Variants in SNED1 observed in about 807,000 individuals in gnomAD.
The protein encoded by SNED1 is sushi, nidogen and EGF like domains 1, also known as sushi, nidogen and EGF-like domain-containing protein 1.
In SNED1, 81 loss-of-function variants were observed where a neutral mutation model predicts 166.7. The observed-to-expected ratio is 0.49, with a 90% CI of 0.41 to 0.58. SNED1 has a LOEUF of 0.58. Among genes scored for constraint, SNED1 ranks in the 20% least tolerant of loss-of-function variants. SNED1 has a pLI of 0.00. For missense variants in SNED1, 1,604 were observed against 2,000.2 expected, an observed-to-expected ratio of 0.80 and a Z score of 3.78; for synonymous variants, 762 against 822.0, an observed-to-expected ratio of 0.93 and a Z score of 1.25.
In SNED1 at chr2:241,013,555, G is replaced by C. The variant is rs1258593603; in HGVS notation, c.213+14505G>C. Among the ~76,000 whole-genome samples, 2 of 151,710 alleles carry C rather than the reference G, an allele frequency of 1.3e-5. No individual in the cohort carries two copies. The highest frequency in any genetic ancestry group is 2.9e-5 in the Non-Finnish European group (2 of 67,946). The stretch of plus-strand genomic sequence containing the variant: ...GGGTCTTGCTATGTTGTCCAGGCTG[G>C]TCTTGAACTCCTGGCCTCAAGAGAT... On this transcript the variant is annotated intron_variant, in intron 1 of 31. Coordinates refer to ENST00000310397, the MANE Select transcript of SNED1 (RefSeq NM_001080437.3). This position sits in a 1 kb window ranked among gnomAD's most constrained non-coding sequence, Gnocchi z 4.6.
At chr2:241,003,005 C>A (rs2060120482) in intron 1 of SNED1, among the ~76,000 whole-genome samples, 1 of 152,012 alleles carries the variant, frequency 6.6e-6, no homozygotes, top group Admixed American at 6.6e-5. Flanking sequence ...CTTGGCCTTT[C>A]CCTCCAGCCT....
chr2:241,078,180 C>G (rs1489554686), intron 27 of SNED1, among the ~76,000 whole-genome samples: 1 of 149,692 alleles, frequency 6.7e-6, no homozygotes, highest in South Asian at 2.1e-4. Context: ...GTCAGGCGTT[C>G]GAGACAAGTC....
At chr2:241,057,776 T>C in intron 16 of SNED1, among the ~76,000 whole-genome samples, 1 of 152,222 alleles carries the variant, frequency 6.6e-6, no homozygotes, top group East Asian at 1.9e-4. Context: ...AAATATATTC[T>C]CATACAAACA....
At position 241,056,580 on chromosome 2, in the gene SNED1, A is replaced by ATT. The variant is rs1172411061; in HGVS notation, c.2257+3271_2257+3272dup. Among the ~76,000 whole-genome samples the ATT allele has an allele frequency of 1.3e-4, 14 of 111,218 alleles. 1 individual carries two copies. Among genetic ancestry groups the ATT allele is most frequent in the Non-Finnish European group, 1.5e-4 (9 of 59,560 alleles). 73.0% of individuals were successfully genotyped at this position (111,218 alleles called of 152,430 possible). ...GAATTAGGAATTCTGAATAAGTGAA[A>ATT]TTTTTTTTTTTTTTTTTTGAGACGG... On this transcript the variant is annotated intron_variant, in intron 16 of 31. Transcript: ENST00000310397.
At chr2:241,059,607 C>G (rs967626841) in intron 16 of SNED1, among the ~76,000 whole-genome samples, 8 of 151,970 alleles carry the variant, frequency 5.3e-5, no homozygotes, top group African/African-American at 1.4e-4. Flanking sequence ...GGATTTTTCT[C>G]AAGGACACAG....
intron 21 of SNED1, among the ~76,000 whole-genome samples, chr2:241,065,981 T>TG (rs1575037403): frequency 6.6e-6 from 1 of 152,018 alleles, no homozygotes; most frequent in East Asian, 1.9e-4. Context: ...TGGGGTGCTC[T>TG]GAAGGCCTGG....
At chr2:241,076,637 G>C (rs569194038) in intron 27 of SNED1, among the ~76,000 whole-genome samples, 28 of 152,306 alleles carry the variant, frequency 1.8e-4, no homozygotes, top group Admixed American at 3.3e-4. Flanking sequence ...CTAGGCAGGT[G>C]AATCACTTGA....
In SNED1 at chr2:241,071,571, T is replaced by A; in HGVS notation, c.3590-5T>A. On this transcript the variant is annotated splice_polypyrimidine_tract_variant and splice_region_variant and intron_variant, in intron 24 of 31. Transcript: ENST00000310397. ...ACCAGCCCCTTCCTCCTGCCTGCTC[T>A]GCAGCCCCCAGGGATGGCGCTGACA... The A allele has an allele frequency of 6.3e-7, 1 of 1,580,358 alleles. No individual in the cohort carries two copies. Among genetic ancestry groups the A allele is most frequent in the Non-Finnish European group, 8.5e-7 (1 of 1,170,834 alleles).
intron 1 of SNED1, among the ~76,000 whole-genome samples, chr2:241,027,237 T>G (rs2124957837): frequency 6.6e-6 from 1 of 152,270 alleles, no homozygotes; most frequent in Non-Finnish European, 1.5e-5. Flanking sequence ...TGTGCCACCA[T>G]GCCCAGCTAA....
chr2:241,082,509 T>TC, intron 29 of SNED1, 145 bp downstream of exon 29: 1 of 624,550 alleles, frequency 1.6e-6, no homozygotes, highest in Non-Finnish European at 2.9e-6. Context: ...ATCGATTCCC[T>TC]CCATGTCACA....
chr2:241,004,380 T>C (rs2060160769), intron 1 of SNED1, among the ~76,000 whole-genome samples: 1 of 152,240 alleles, frequency 6.6e-6, no homozygotes, highest in African/African-American at 2.4e-5. Context: ...TTTTAGACCA[T>C]TTACATTTAA....
intron 21 of SNED1, among the ~76,000 whole-genome samples, chr2:241,065,808 T>C (rs1029137433): frequency 3.3e-5 from 5 of 151,950 alleles, no homozygotes; most frequent in Non-Finnish European, 7.4e-5. Context: ...AGGCATGGGA[T>C]TGGGGCGCAT....
Position 241,051,875 on chromosome 2 carries a change from G to A in SNED1, c.1852+15G>A, listed in dbSNP as rs147364964. On this transcript the variant is annotated intron_variant, in intron 13 of 31. Transcript: ENST00000310397. This position sits in a 1 kb window ranked among gnomAD's most constrained non-coding sequence, Gnocchi z 4.7. ...CTGTGAGATCGGTGCGGCCCCCAGG[G>A]GCAGGGGGGAGGGCAGGAACGACGG... 2.2e-4 allele frequency: 343 copies of A among 1,527,246 alleles called. 1 individual carries two copies. In the African/African-American group the frequency reaches 4.2e-3, roughly 19 times the overall value. 94.6% of individuals were successfully genotyped at this position (1,527,246 alleles called of 1,614,324 possible). A position where few individuals can be genotyped will look rare whatever the true frequency, so the allele number is the denominator to read the frequency against.
chr2:241,041,074 T>TA (rs2061509692), intron 8 of SNED1: 1 of 340,812 alleles, frequency 2.9e-6, no homozygotes, highest in African/African-American at 2.3e-5. Flanking sequence ...ATTTTTAGTT[T>TA]AAAAAATTCA....
At chr2:241,065,630 C>T (rs745891699) in intron 21 of SNED1, 35 bp downstream of exon 21, 8 of 1,592,300 alleles carry the variant, frequency 5.0e-6, no homozygotes, top group Non-Finnish European at 6.9e-6. Context: ...CCCTGCCCAG[C>T]CCCTGCCCCT....
chr2:241,076,163 A>G (rs977191143), intron 27 of SNED1, among the ~76,000 whole-genome samples: 2 of 151,898 alleles, frequency 1.3e-5, no homozygotes, highest in Non-Finnish European at 2.9e-5. Context: ...ATCTAGTCAC[A>G]CTCTATGGAA....
intron 26 of SNED1, chr2:241,072,528 A>G (rs2062782731): frequency 3.0e-6 from 1 of 330,246 alleles, no homozygotes. Flanking sequence ...GAACTCCCCA[A>G]CAGAGCCTAG....
In SNED1 at chr2:241,062,916, C is replaced by T; in HGVS notation, c.2371+12C>T. 1 of 1,534,784 alleles carries T rather than the reference C, an allele frequency of 6.5e-7. No individual in the cohort carries two copies. Among genetic ancestry groups the T allele is most frequent in the South Asian group, 1.2e-5 (1 of 85,370 alleles). On this transcript the variant is annotated intron_variant, in intron 17 of 31. Transcript: ENST00000310397. ...CCACTGTGAGCTGGGTAAGAGGGGCCCTGGCCCCGCTGGGGTGACAGCTGC... is the reference window on the plus strand; with the variant it reads ...CCACTGTGAGCTGGGTAAGAGGGGCTCTGGCCCCGCTGGGGTGACAGCTGC...
Position 240,998,911 on chromosome 2 carries a change from C to T in SNED1, c.74C>T (p.Ala25Val). 2 of 1,242,472 alleles carry T rather than the reference C, an allele frequency of 1.6e-6. No individual in the cohort carries two copies. Among genetic ancestry groups the T allele is most frequent in the Non-Finnish European group, 2.0e-6 (2 of 992,772 alleles). 77.0% of individuals were successfully genotyped at this position (1,242,472 alleles called of 1,614,324 possible). ...CTTGGGGCGCGCGGGGTGCGCGGCG[C>T]GGTGGCCCTTGCCGACTTCTACCCG... ...LGLGARGVRG[A>V]VALADFYPFG... Residue 25 changes from alanine (A) to valine (V), a missense_variant, in exon 1 of 32, where the codon GCG becomes GTG. Physicochemically the swap from Ala to Val is moderately conservative, Grantham distance 64. Around this residue, in one of 2 missense-constraint regions of SNED1, gnomAD observed 1,237 missense variants for 1,620.8 expected, o/e 0.76. Transcript: ENST00000310397.
Sources: allele counts gnomAD v4.1 joint callset (sites outside exome capture counted in the v4.1 genomes callset), GRCh38; gene constraint gnomAD v4.1.1; regional missense constraint gnomAD v4.1.1; non-coding constraint Gnocchi (gnomAD v3.1); transcripts MANE v1.5; gene names NCBI Gene and HGNC (gene_info 2026-07-23, HGNC 2026-07-21).